FAM234B: variants seen among roughly 807,000 people sequenced by gnomAD.
FAM234B encodes the protein protein FAM234B.
In FAM234B, 33 loss-of-function variants were observed where a neutral mutation model predicts 69.3. The ratio of observed to expected loss-of-function variants is 0.48; its 90% CI spans 0.36 to 0.64. FAM234B has a LOEUF of 0.64. Among genes scored for constraint, FAM234B ranks in the 30% least tolerant of loss-of-function variants. FAM234B has a pLI of 0.00. For missense variants in FAM234B, 697 were observed against 769.7 expected (o/e 0.91, Z 1.12); for synonymous variants, 306 against 306.9 (o/e 1.00, Z 0.03).
intron 3 of FAM234B, 121 bp downstream of exon 3, chr12:13,058,670 GT>G: frequency 1.2e-6 from 1 of 805,110 alleles, no homozygotes; most frequent in Non-Finnish European, 2.1e-6. Flanking sequence ...AGTTACCATG[GT>G]TCTGGCATAC....
chr12:13,079,760 T>TA, intron 11 of FAM234B, 29 bp from the exon 12 acceptor site: 2 of 1,454,914 alleles, frequency 1.4e-6, no homozygotes, highest in Non-Finnish European at 9.6e-7. Flanking sequence ...GTGTCCATGT[T>TA]AACTGCTCTT....
At chr12:13,077,321 C>A (rs1010212878) in intron 11 of FAM234B, among the ~76,000 whole-genome samples, 6 of 151,168 alleles carry the variant, frequency 4.0e-5, no homozygotes, top group Admixed American at 3.9e-4. Flanking sequence ...GCACAATGTG[C>A]AGGTTAGTTA....
At position 13,081,603 on chromosome 12, in the gene FAM234B, A is replaced by T. The variant is rs1293174972; in HGVS notation, c.*973A>T. The T allele has an allele frequency of 1.3e-5, 2 of 152,000 alleles. No homozygotes were observed. Among genetic ancestry groups the T allele is most frequent in the African/African-American group, 2.4e-5 (1 of 41,334 alleles). 9.4% of individuals were successfully genotyped at this position (152,000 alleles called of 1,614,324 possible). A position where few individuals can be genotyped will look rare whatever the true frequency, so the allele number is the denominator to read the frequency against. ...ACTCTGTTTTCTCTTCTATTCAGGGATATGTTTCTGGACTTTTTCTTCTGC... is the reference window on the plus strand; with the variant it reads ...ACTCTGTTTTCTCTTCTATTCAGGGTTATGTTTCTGGACTTTTTCTTCTGC... On this transcript the variant is annotated 3_prime_UTR_variant, in exon 13 of 13. Transcript: ENST00000197268.
At chr12:13,058,658 A>C (rs1565508333) in intron 3 of FAM234B, 109 bp downstream of exon 3, 4 of 889,940 alleles carry the variant, frequency 4.5e-6, no homozygotes, top group Non-Finnish European at 7.5e-6. Flanking sequence ...CAGTGAACAG[A>C]AAGTTACCAT....
intron 10 of FAM234B, among the ~76,000 whole-genome samples, chr12:13,072,972 G>A (rs1235041419): frequency 2.6e-5 from 4 of 152,100 alleles, no homozygotes; most frequent in Non-Finnish European, 5.9e-5. Context: ...ACCATAAGGT[G>A]GATGCCTCAT....
Position 13,055,642 on chromosome 12 carries a change from G to T in FAM234B, c.129G>T (p.Lys43Asn). The change falls in exon 2 of 13, where the codon AAG becomes AAT. Residue 43 changes from lysine to asparagine, a missense_variant. Coordinates refer to ENST00000197268, the MANE Select transcript of FAM234B (RefSeq NM_020853.2). ...ACGATCTGGTGCTTAACCTGCAGAA[G>T]AATGGAGGGGTCAAAAATGGGAAGA... ...SEDDLVLNLQ[K>N]NGGVKNGKSP... The T allele has an allele frequency of 6.2e-7, 1 of 1,614,242 alleles. No homozygotes were observed.
Position 13,066,691 on chromosome 12 carries a change from C to T in FAM234B, c.904C>T (p.Arg302Ter), listed in dbSNP as rs267603384. Residue 302 changes from arginine (R) to a stop codon, truncating the protein, a stop_gained, in exon 6 of 13, where the codon CGA (arginine) becomes TGA (stop). Transcript: ENST00000197268. LOFTEE classifies it high-confidence loss of function. Reference sequence around the variant, plus strand: ...TGGCCGGACCGGAAATCCAGTGGGTCGACCTGTGAAGTACAACATCGTTGG... The same window carrying T: ...TGGCCGGACCGGAAATCCAGTGGGTTGACCTGTGAAGTACAACATCGTTGG... ...VSGRTGNPVG[R>*]PVKYNIVGVG... 3 of 1,613,786 alleles carry T rather than the reference C, an allele frequency of 1.9e-6. No homozygotes were observed. Among genetic ancestry groups the T allele is most frequent in the South Asian group, 1.1e-5 (1 of 91,058 alleles).
rs761611388 is a variant in FAM234B at position 13,066,646 on chromosome 12, C to T, written c.859C>T (p.Leu287=). ...VLAIGELQPD[L]CFLLVSGRTG... is the part of the protein sequence containing the mutation. ...CCCTCTCTTACTTCCTCAGCCAGAT[C>T]TGTGCTTTCTGCTGGTGTCTGGCCG... The change falls in exon 6 of 13, where the codon CTG becomes TTG. Residue 287 remains leucine, a synonymous_variant. Transcript: ENST00000197268. The T allele has an allele frequency of 6.2e-7, 1 of 1,612,420 alleles. No homozygotes were observed. The highest frequency in any genetic ancestry group is 8.5e-7 in the Non-Finnish European group (1 of 1,179,148).
chr12:13,072,820 C>T (rs1000582572), intron 10 of FAM234B, among the ~76,000 whole-genome samples: 3 of 152,048 alleles, frequency 2.0e-5, no homozygotes, highest in Non-Finnish European at 2.9e-5. Flanking sequence ...CCGTTTAGTC[C>T]ATCCCTAAAG....
In FAM234B at chr12:13,058,537, G is replaced by A. The variant is rs117039796; in HGVS notation, c.520G>A (p.Gly174Arg). 0.019 allele frequency: 31,348 copies of A among 1,612,618 alleles called. 499 individuals carry two copies. Among genetic ancestry groups the A allele is most frequent in the East Asian group, 0.065 (2,893 of 44,740 alleles). The change falls in exon 3 of 13, where the codon GGG (glycine) becomes AGG (arginine). Residue 174 changes from glycine (G) to arginine (R), a missense_variant. Gly to Arg is a moderately radical substitution (Grantham distance 125). Coordinates refer to ENST00000197268, the MANE Select transcript of FAM234B (RefSeq NM_020853.2). ...TCTCTCCTTTGTGATGTCAAGGAAC[G>A]GGAGTGCAGTAGGTAAGAGACGTGT... is the stretch of plus-strand genomic sequence containing the variant. The part of the protein sequence containing the change: ...VLLSFVMSRN[G>R]SAVGVSRPAA...
In FAM234B at chr12:13,079,778, T is replaced by TTA. The variant is rs1865203774; in HGVS notation, c.1643-11_1643-10insTA. The TTA allele has an allele frequency of 6.3e-7, 1 of 1,586,066 alleles. No homozygotes were observed. Among genetic ancestry groups the TTA allele is most frequent in the African/African-American group, 1.3e-5 (1 of 74,320 alleles). The stretch of plus-strand genomic sequence containing the variant: ...TCCATGTTAACTGCTCTTGTTTTTG[T>TTA]CCTTCCTCAGTTGGAATTAACGACC... On this transcript the variant is annotated splice_polypyrimidine_tract_variant and intron_variant, in intron 11 of 12. Transcript: ENST00000197268.
intron 1 of FAM234B, among the ~76,000 whole-genome samples, chr12:13,049,550 C>G (rs1864852534): frequency 6.6e-6 from 1 of 152,236 alleles, no homozygotes. Context: ...GTAGTTATTT[C>G]CATTACATTT....
Position 13,055,713 on chromosome 12 carries a change from C to T in FAM234B, c.200C>T (p.Ala67Val), listed in dbSNP as rs1188924586. The T allele has an allele frequency of 1.2e-6, 2 of 1,614,228 alleles. No homozygotes were observed. Among genetic ancestry groups the T allele is most frequent in the African/African-American group, 1.3e-5 (1 of 75,062 alleles). Residue 67 changes from alanine to valine, a missense_variant, in exon 2 of 13, where the codon GCA becomes GTA. This residue lies in a region of FAM234B where 380 missense variants were observed against 447.1 expected (regional missense o/e 0.85). Coordinates refer to ENST00000197268, the MANE Select transcript of FAM234B (RefSeq NM_020853.2). The part of the protein sequence containing the change: ...APEPDSDAEV[A>V]EAAKPHLSEV... ...GAACCCGACTCAGATGCTGAGGTTG[C>T]AGAGGCTGCAAAGCCACATCTTTCA...
chr12:13,054,219 G>A (rs971110965), intron 1 of FAM234B, among the ~76,000 whole-genome samples: 1 of 151,736 alleles, frequency 6.6e-6, no homozygotes, highest in Admixed American at 6.6e-5. Flanking sequence ...GAAATTATAA[G>A]AGTATTAATA....
intron 1 of FAM234B, among the ~76,000 whole-genome samples, chr12:13,047,742 G>A (rs1456427173): frequency 6.6e-6 from 1 of 152,180 alleles, no homozygotes. Context: ...GGTGGTGGCT[G>A]AAAGTAGCAA....
rs17212851 is a variant in FAM234B, at chr12:13,058,601, G to A, written c.532+52G>A. The stretch of plus-strand genomic sequence containing the variant: ...GCTACAGGGGCACTGTCAGCTAGGA[G>A]AAAACATCAGAGCTGTGTCCCAAGT... On this transcript the variant is annotated intron_variant, in intron 3 of 12. Transcript: ENST00000197268. 28,164 of 1,439,974 alleles carry A rather than the reference G, an allele frequency of 0.02. 2,201 individuals are homozygous for A. In the East Asian group the frequency reaches 0.23, roughly 12 times the overall value. 89.2% of individuals were successfully genotyped at this position (1,439,974 alleles called of 1,614,324 possible).
chr12:13,049,058 G>C (rs886837557), intron 1 of FAM234B, among the ~76,000 whole-genome samples: 1 of 152,168 alleles, frequency 6.6e-6, no homozygotes, highest in Non-Finnish European at 1.5e-5. Context: ...TTGAGATTTG[G>C]GTGGGGACAC....
intron 3 of FAM234B, 114 bp from the exon 4 acceptor site, chr12:13,061,461 A>G: frequency 1.3e-6 from 1 of 751,112 alleles, no homozygotes; most frequent in Non-Finnish European, 2.2e-6. Context: ...TGAATACACA[A>G]GTGTGGTTGC....
At chr12:13,054,846 A>C (rs1864911760) in intron 1 of FAM234B, among the ~76,000 whole-genome samples, 1 of 152,222 alleles carries the variant, frequency 6.6e-6, no homozygotes, top group Admixed American at 6.5e-5. Flanking sequence ...TGCCATGCAA[A>C]GCACCTTCAA....
Sources: allele counts gnomAD v4.1 joint callset (sites outside exome capture counted in the v4.1 genomes callset), GRCh38; gene constraint gnomAD v4.1.1; regional missense constraint gnomAD v4.1.1; transcripts MANE v1.5; gene names NCBI Gene and HGNC (gene_info 2026-07-23, HGNC 2026-07-21).